TACR3: variants seen among roughly 807,000 people sequenced by gnomAD.
The protein encoded by TACR3 is neuromedin-K receptor.
A neutral mutation model predicts 35.0 loss-of-function variants in TACR3; 34 were observed. That is an observed-to-expected ratio of 0.97 (90% CI 0.74 to 1.30). The LOEUF (loss-of-function observed/expected upper bound fraction) is 1.30. Ranked by LOEUF, TACR3 falls within the 50% of genes most tolerant of loss-of-function variation. TACR3 has a pLI of 0.00. For synonymous variants in TACR3, 233 were observed against 221.1 expected (o/e 1.05, Z -0.48); for missense variants, 558 against 591.7 (o/e 0.94, Z 0.59).
intron 3 of TACR3, among the ~76,000 whole-genome samples, chr4:103,636,916 T>A (rs1310561234): frequency 6.6e-6 from 1 of 152,018 alleles, no homozygotes; most frequent in Non-Finnish European, 1.5e-5. Flanking sequence ...AATAGACCAA[T>A]AACAGGCTCT....
chr4:103,636,562 G>C (rs9997211), intron 3 of TACR3, among the ~76,000 whole-genome samples: 1 of 151,942 alleles, frequency 6.6e-6, no homozygotes, highest in Non-Finnish European at 1.5e-5. Flanking sequence ...TCAAAAGCTA[G>C]CAGAAGGCAA....
rs1255037988 is a variant in TACR3, at chr4:103,624,724, A to C, written c.888+31470T>G. On this transcript the variant is annotated intron_variant, in intron 3 of 4. Coordinates refer to ENST00000304883, the MANE Select transcript of TACR3 (RefSeq NM_001059.3). ...AAAGCATTTGTGTAACATGGTTTGT[A>C]AGACAAAACATTATTTTTCTATTTG... 4.6e-5 allele frequency among the ~76,000 whole-genome samples: 7 copies of C among 152,202 alleles called. No individual in the cohort carries two copies. The East Asian group carries it at 1.3e-3, about 29-fold the overall frequency.
chr4:103,650,182 C>T (rs1725557306), intron 3 of TACR3, among the ~76,000 whole-genome samples: 1 of 151,790 alleles, frequency 6.6e-6, no homozygotes, highest in Non-Finnish European at 1.5e-5. Flanking sequence ...CACTTTCTTC[C>T]AAATATAGTC....
chr4:103,602,292 T>A (rs1365468693), intron 3 of TACR3, among the ~76,000 whole-genome samples: 1 of 152,250 alleles, frequency 6.6e-6, no homozygotes, highest in African/African-American at 2.4e-5. Flanking sequence ...TTTGTCTAAT[T>A]TTTTTTCAAA....
intron 3 of TACR3, among the ~76,000 whole-genome samples, chr4:103,648,536 A>G (rs1725508117): frequency 6.6e-6 from 1 of 152,048 alleles, no homozygotes; most frequent in African/African-American, 2.4e-5. Context: ...GGGACCATAC[A>G]AACTTCATCT....
rs143380604 is a variant in TACR3, at chr4:103,617,061, G to T, written c.889-25378C>A. On this transcript the variant is annotated intron_variant, in intron 3 of 4. Transcript: ENST00000304883. ...GAAAGCATAGAATTTTTCAGATGAA[G>T]ATATGATCCAGACTCTTAATATGCT... is the stretch of plus-strand genomic sequence containing the variant. Among the ~76,000 whole-genome samples, 69 of 152,286 alleles carry T rather than the reference G, an allele frequency of 4.5e-4. No individual in the cohort carries two copies. The East Asian group carries it at 0.012, about 26-fold the overall frequency.
chr4:103,619,699 C>A (rs1297231041), intron 3 of TACR3, among the ~76,000 whole-genome samples: 2 of 152,054 alleles, frequency 1.3e-5, no homozygotes, highest in Non-Finnish European at 2.9e-5. Flanking sequence ...TTCCTTTGAA[C>A]TCTAGTATGT....
At position 103,675,866 on chromosome 4, in the gene TACR3, C is replaced by A. The variant is rs1726159324; in HGVS notation, c.549-17463G>T. Among the ~76,000 whole-genome samples, 4 of 152,004 alleles carry A rather than the reference C, an allele frequency of 2.6e-5. No individual in the cohort carries two copies. The South Asian group carries it at 8.4e-4, about 32-fold the overall frequency. On this transcript the variant is annotated intron_variant, in intron 1 of 4. Transcript: ENST00000304883. ...TTTAGCCTGAGTGGAGGGGAGGGGG[C>A]AGAGAAAAGAAAGAAATGATAAGGA...
intron 3 of TACR3, among the ~76,000 whole-genome samples, chr4:103,644,035 A>C (rs1159618094): frequency 6.6e-6 from 1 of 151,630 alleles, no homozygotes; most frequent in East Asian, 1.9e-4. Context: ...GAAAACCACA[A>C]AAAAAAATAA....
At chr4:103,675,417 G>C (rs972508818) in intron 1 of TACR3, among the ~76,000 whole-genome samples, 1 of 152,160 alleles carries the variant, frequency 6.6e-6, no homozygotes, top group African/African-American at 2.4e-5. Context: ...AGGAAATAAG[G>C]AGTCTCAGTC....
chr4:103,611,690 G>A (rs1207765727), intron 3 of TACR3, among the ~76,000 whole-genome samples: 1 of 151,976 alleles, frequency 6.6e-6, no homozygotes, highest in Non-Finnish European at 1.5e-5. Context: ...AAGAAGTAGA[G>A]GAGAATGATT....
At chr4:103,652,911 A>G (rs1247795949) in intron 3 of TACR3, among the ~76,000 whole-genome samples, 2 of 152,116 alleles carry the variant, frequency 1.3e-5, no homozygotes, top group African/African-American at 4.8e-5. Context: ...TAATAGCTGT[A>G]TTCTAAACAA....
chr4:103,650,250 G>T (rs1466496808), intron 3 of TACR3, among the ~76,000 whole-genome samples: 1 of 151,656 alleles, frequency 6.6e-6, no homozygotes, highest in African/African-American at 2.4e-5. Context: ...GACACAAGCA[G>T]CCTGTGGCCA....
At chr4:103,687,343 G>A (rs1430322229) in intron 1 of TACR3, among the ~76,000 whole-genome samples, 1 of 152,078 alleles carries the variant, frequency 6.6e-6, no homozygotes, top group East Asian at 1.9e-4. Context: ...GCACAAGACA[G>A]GGATGCCCTC....
chr4:103,607,803 G>A (rs1187183172), intron 3 of TACR3, among the ~76,000 whole-genome samples: 2 of 152,084 alleles, frequency 1.3e-5, no homozygotes, highest in East Asian at 1.9e-4. Flanking sequence ...GAGACAAAGG[G>A]CTGGAAAGGA....
At chr4:103,705,071 A>G (rs2110226529) in intron 1 of TACR3, among the ~76,000 whole-genome samples, 1 of 152,138 alleles carries the variant, frequency 6.6e-6, no homozygotes, top group Non-Finnish European at 1.5e-5. Flanking sequence ...TTTGGTTTGA[A>G]AACTATCTTT....
intron 3 of TACR3, among the ~76,000 whole-genome samples, chr4:103,593,678 C>G (rs1723942759): frequency 6.6e-6 from 1 of 152,142 alleles, no homozygotes; most frequent in Non-Finnish European, 1.5e-5. Flanking sequence ...CTAGAACACT[C>G]TTCTAACCAT....
At chr4:103,615,321 T>C (rs1724623350) in intron 3 of TACR3, among the ~76,000 whole-genome samples, 1 of 151,888 alleles carries the variant, frequency 6.6e-6, no homozygotes, top group Admixed American at 6.6e-5. Flanking sequence ...AGTATGCAGC[T>C]AGTAGGAGTT....
At chr4:103,626,419 T>G (rs1049515288) in intron 3 of TACR3, among the ~76,000 whole-genome samples, 3 of 147,866 alleles carry the variant, frequency 2.0e-5, no homozygotes, top group Non-Finnish European at 4.5e-5. Context: ...TTATTATTGT[T>G]ATTTTTTTTT....
Sources: allele counts gnomAD v4.1 joint callset (sites outside exome capture counted in the v4.1 genomes callset), GRCh38; gene constraint gnomAD v4.1.1; transcripts MANE v1.5; gene names NCBI Gene and HGNC (gene_info 2026-07-23, HGNC 2026-07-21).